Variants in ANK3 observed in about 807,000 individuals in gnomAD.
The protein encoded by ANK3 is ankyrin 3, also known as ankyrin-3.
A neutral mutation model predicts 370.9 loss-of-function variants in ANK3; 57 were observed. The ratio of observed to expected loss-of-function variants is 0.15; its 90% CI spans 0.12 to 0.19. The LOEUF is 0.19. Among genes scored for constraint, ANK3 ranks in the 10% least tolerant of loss-of-function variants. The pLI, the probability that ANK3 is intolerant of heterozygous loss-of-function variation, is 1.00. For missense variants in ANK3, 4,439 were observed against 5,302.1 expected, an observed-to-expected ratio of 0.84 and a Z score of 5.06; for synonymous variants, 1,929 against 1,946.3, an observed-to-expected ratio of 0.99 and a Z score of 0.23.
At chr10:60,430,502 TGAC>T in intron 2 of ANK3, among the ~76,000 whole-genome samples, 1 of 151,902 alleles carries the variant, frequency 6.6e-6, no homozygotes, top group East Asian at 1.9e-4. Context: ...AAATTCGGGG[TGAC>T]GATGTAATTC....
intron 2 of ANK3, among the ~76,000 whole-genome samples, chr10:60,456,970 CT>C (rs371322047): frequency 2.6e-5 from 4 of 152,256 alleles, no homozygotes; most frequent in African/African-American, 9.6e-5. Context: ...GAGTCTTCAA[CT>C]ATCAACTATA....
At chr10:60,689,984 G>A (rs2079327965) in intron 1 of ANK3, among the ~76,000 whole-genome samples, 1 of 152,130 alleles carries the variant, frequency 6.6e-6, no homozygotes, top group Non-Finnish European at 1.5e-5. Flanking sequence ...AAACATGCTT[G>A]AGAATAGCAA....
chr10:60,324,871 T>A (rs2049461313), intron 1 of ANK3, among the ~76,000 whole-genome samples: 1 of 152,228 alleles, frequency 6.6e-6, no homozygotes, highest in African/African-American at 2.4e-5. Flanking sequence ...AGTAGTTGTT[T>A]AATAAATATT....
Position 60,026,998 on chromosome 10 carries a change from T to A in ANK3, c.*2848A>T, listed in dbSNP as rs1245757800. The A allele has an allele frequency of 1.3e-5, 2 of 152,168 alleles. No homozygotes were observed. The highest frequency in any genetic ancestry group is 2.9e-5 in the Non-Finnish European group (2 of 68,036). The allele number at this position is 152,168 out of a possible 1,614,324, so 9.4% of individuals were successfully genotyped here. ...ACATATACATGTATAAATATATGCATATACACACATATGCAAGTTAAATCT... is the reference window on the plus strand; with the variant it reads ...ACATATACATGTATAAATATATGCAAATACACACATATGCAAGTTAAATCT... On this transcript the variant is annotated 3_prime_UTR_variant, in exon 44 of 44. Coordinates refer to ENST00000280772, the MANE Select transcript of ANK3 (RefSeq NM_020987.5).
chr10:60,625,632 T>G (rs572092814), intron 1 of ANK3, among the ~76,000 whole-genome samples: 1 of 152,166 alleles, frequency 6.6e-6, no homozygotes, highest in Non-Finnish European at 1.5e-5. Context: ...TGGCTCATCC[T>G]CCCCACTTAT....
At chr10:60,155,930 T>G (rs114319309) in intron 23 of ANK3, among the ~76,000 whole-genome samples, 1 of 152,206 alleles carries the variant, frequency 6.6e-6, no homozygotes, top group Admixed American at 6.5e-5. Context: ...TTGGTTTTCC[T>G]ACTTTTGAGG....
At chr10:60,360,350 A>G (rs765157518) in intron 1 of ANK3, among the ~76,000 whole-genome samples, 1 of 152,206 alleles carries the variant, frequency 6.6e-6, no homozygotes, top group Non-Finnish European at 1.5e-5. Context: ...TGGGACATCT[A>G]TTTCATTTTG....
chr10:60,336,037 G>C (rs1219879769), intron 1 of ANK3, among the ~76,000 whole-genome samples: 1 of 151,784 alleles, frequency 6.6e-6, no homozygotes, highest in East Asian at 1.9e-4. Context: ...CTTCGGATGC[G>C]GAAGTTTGAT....
chr10:60,405,819 AT>A (rs2132915013), intron 2 of ANK3, among the ~76,000 whole-genome samples: 1 of 152,316 alleles, frequency 6.6e-6, no homozygotes, highest in Non-Finnish European at 1.5e-5. Flanking sequence ...ATACAGCAAA[AT>A]GTTAATCGTA....
At position 60,572,749 on chromosome 10, in the gene ANK3, C is replaced by G. The variant is rs114281506; in HGVS notation, c.96+42437G>C. 2,407 of 1,316,510 alleles carry G rather than the reference C, an allele frequency of 1.8e-3. 29 individuals are homozygous for G. In the African/African-American group the frequency reaches 0.032, roughly 18 times the overall value. The allele number at this position is 1,316,510 out of a possible 1,614,324, so 81.6% of individuals were successfully genotyped here. A position where few individuals can be genotyped will look rare whatever the true frequency, so the allele number is the denominator to read the frequency against. On this transcript the variant is annotated intron_variant, in intron 2 of 43. Coordinates refer to the ANK3 transcript ENST00000373827. ...TCCTCAGGAAGAAACTGGGTGTTCT[C>G]TATATCAAACAGTCAATTATTCTTC...
At chr10:60,559,531 C>A (rs1214219913) in intron 2 of ANK3, among the ~76,000 whole-genome samples, 1 of 152,104 alleles carries the variant, frequency 6.6e-6, no homozygotes, top group Non-Finnish European at 1.5e-5. Flanking sequence ...TACATTAAGG[C>A]TCTAGGTAGA....
At chr10:60,630,851 A>G (rs1474361509) in intron 1 of ANK3, among the ~76,000 whole-genome samples, 2 of 152,182 alleles carry the variant, frequency 1.3e-5, no homozygotes, top group African/African-American at 4.8e-5. Flanking sequence ...TGTGTGGACA[A>G]TGGATTGCAC....
chr10:60,483,830 C>A lies in ANK3; in HGVS notation c.96+131356G>T, dbSNP rs1305733809. Among the ~76,000 whole-genome samples, 4 of 152,146 alleles carry A rather than the reference C, an allele frequency of 2.6e-5. No homozygotes were observed. In the South Asian group the frequency reaches 8.3e-4, roughly 32 times the overall value. ...CCTTATGAGAAGGCAAGAAGAGAGTCTCTATTTATTCTTAGGTCACAAAGG... is the reference window on the plus strand; with the variant it reads ...CCTTATGAGAAGGCAAGAAGAGAGTATCTATTTATTCTTAGGTCACAAAGG... On this transcript the variant is annotated intron_variant, in intron 2 of 43. Transcript: ENST00000373827.
intron 41 of ANK3, among the ~76,000 whole-genome samples, chr10:60,058,181 G>C (rs1408333607): frequency 6.6e-6 from 1 of 152,146 alleles, no homozygotes; most frequent in East Asian, 1.9e-4. Flanking sequence ...GTTTAAGGAA[G>C]GTAGTAGTAT....
Position 60,355,142 on chromosome 10 carries a change from C to T in ANK3, c.114+34283G>A, listed in dbSNP as rs187883469. ...CAATGTTTAATCCCGGGTATTGAGG[C>T]TATTCATGATTGCTATTTTCTTCTT... On this transcript the variant is annotated intron_variant, in intron 1 of 43. Transcript: ENST00000280772. 2.0e-5 allele frequency among the ~76,000 whole-genome samples: 3 copies of T among 152,252 alleles called. No individual in the cohort carries two copies. In the East Asian group the frequency reaches 5.8e-4, roughly 29 times the overall value.
Position 60,172,329 on chromosome 10 carries a change from G to C in ANK3, c.2457C>G (p.Thr819=). ...TTACAGTTGTGGTCATGGTCTCTTC[G>C]GTCACTATCTTCAGGGTGTCCACTA... ...ISVVDTLKIV[T]EETMTTTTVT... is the part of the protein sequence containing the mutation. Residue 819 remains threonine (T), a synonymous_variant, in exon 21 of 44, where the codon ACC becomes ACG. Coordinates refer to ENST00000280772, the MANE Select transcript of ANK3 (RefSeq NM_020987.5). 1 of 1,613,732 alleles carries C rather than the reference G, an allele frequency of 6.2e-7. No homozygotes were observed. The highest frequency in any genetic ancestry group is 1.3e-5 in the African/African-American group (1 of 75,016).
intron 18 of ANK3, among the ~76,000 whole-genome samples, chr10:60,180,496 TGAGGCAGGA>T (rs1179371916): frequency 6.9e-6 from 1 of 145,216 alleles, no homozygotes; most frequent in Admixed American, 7.2e-5. Flanking sequence ...CTCGGGAGGC[TGAGGCAGGA>T]GAATTGCTTG....
At chr10:60,596,515 A>G (rs1341331588) in intron 2 of ANK3, among the ~76,000 whole-genome samples, 1 of 152,144 alleles carries the variant, frequency 6.6e-6, no homozygotes. Context: ...TGTAAGAAAT[A>G]ATTTTCCAGA....
At chr10:60,161,731 A>G (rs1456041316) in intron 23 of ANK3, among the ~76,000 whole-genome samples, 1 of 152,176 alleles carries the variant, frequency 6.6e-6, no homozygotes, top group Non-Finnish European at 1.5e-5. Flanking sequence ...TGGTTTCAGG[A>G]GGCTGGAAAG....
Sources: allele counts gnomAD v4.1 joint callset (sites outside exome capture counted in the v4.1 genomes callset), GRCh38; gene constraint gnomAD v4.1.1; transcripts MANE v1.5; gene names NCBI Gene and HGNC (gene_info 2026-07-23, HGNC 2026-07-21).